DYSF: variants seen among roughly 807,000 people sequenced by gnomAD.
DYSF encodes the protein dysferlin, also known as dystrophy-associated fer-1-like 1.
In DYSF, 212 loss-of-function variants were observed where a neutral mutation model predicts 274.9. The observed-to-expected ratio is 0.77, with a 90% CI of 0.69 to 0.86. The LOEUF is 0.86. Among genes scored for constraint, DYSF ranks in the 40% least tolerant of loss-of-function variants. The pLI, the probability that DYSF is intolerant of heterozygous loss-of-function variation, is 0.00. For missense variants in DYSF, 2,666 were observed against 2,783.2 expected (o/e 0.96, Z 0.95); for synonymous variants, 1,091 against 1,078.7 (o/e 1.01, Z -0.22).
intron 32 of DYSF, among the ~76,000 whole-genome samples, chr2:71,597,035 C>T (rs1337355081): frequency 1.3e-5 from 2 of 152,218 alleles, no homozygotes; most frequent in Non-Finnish European, 2.9e-5. Context: ...CTTTCTCTGC[C>T]ACCTGTGCAG....
chr2:71,572,576 C>T (rs1350118968), intron 29 of DYSF, among the ~76,000 whole-genome samples: 1 of 152,220 alleles, frequency 6.6e-6, no homozygotes, highest in Non-Finnish European at 1.5e-5. Flanking sequence ...AAGGATGCAG[C>T]TTCAGGCAGG....
chr2:71,482,268 G>A (rs2082977462), intron 3 of DYSF, among the ~76,000 whole-genome samples: 1 of 152,184 alleles, frequency 6.6e-6, no homozygotes, highest in African/African-American at 2.4e-5. Context: ...CTCGCTTCCT[G>A]CTGCTCCAGC....
At chr2:71,657,805 T>C (rs2094801525) in intron 43 of DYSF, among the ~76,000 whole-genome samples, 1 of 152,146 alleles carries the variant, frequency 6.6e-6, no homozygotes, top group African/African-American at 2.4e-5. Flanking sequence ...ACAGGGACCC[T>C]GGGCCCGGCC....
intron 22 of DYSF, among the ~76,000 whole-genome samples, chr2:71,557,581 G>C (rs761259530): frequency 6.6e-6 from 1 of 151,994 alleles, no homozygotes; most frequent in Non-Finnish European, 1.5e-5. Flanking sequence ...GGGGAGACTG[G>C]ACATACGGCA....
intron 55 of DYSF, among the ~76,000 whole-genome samples, chr2:71,683,004 G>A (rs1488448943): frequency 1.3e-5 from 2 of 152,190 alleles, no homozygotes; most frequent in African/African-American, 4.8e-5. Context: ...CGGTGGGCAG[G>A]GGGACTTTCT....
At chr2:71,577,468 T>G (rs2152827837) in intron 30 of DYSF, among the ~76,000 whole-genome samples, 1 of 147,482 alleles carries the variant, frequency 6.8e-6, no homozygotes, top group African/African-American at 2.5e-5. Context: ...ACCAACACAC[T>G]CTCTACACAC....
At chr2:71,611,677 T>G in intron 38 of DYSF, 51 bp downstream of exon 38, 1 of 1,597,090 alleles carries the variant, frequency 6.3e-7, no homozygotes, top group Non-Finnish European at 8.5e-7. Context: ...GGCTAGAAGT[T>G]CTACATGTCC....
chr2:71,516,401 T>C (rs2086659151), intron 9 of DYSF, among the ~76,000 whole-genome samples, 159 bp downstream of exon 9: 2 of 152,186 alleles, frequency 1.3e-5, no homozygotes, highest in Admixed American at 1.3e-4. Flanking sequence ...AGTATGTGCG[T>C]GAGAGGGAGA....
intron 48 of DYSF, 54 bp from the exon 49 acceptor site, chr2:71,668,700 G>A (rs2095062262): frequency 6.4e-7 from 1 of 1,566,010 alleles, no homozygotes; most frequent in African/African-American, 1.4e-5. Context: ...CAGGTGCTTG[G>A]TAACAGCTGG....
At chr2:71,478,825 G>GCT (rs148142158) in intron 1 of DYSF, among the ~76,000 whole-genome samples, 1,601 of 151,804 alleles carry the variant, frequency 0.011, 22 homozygotes, top group African/African-American at 0.035. Context: ...CCTCTCACGT[G>GCT]CTCTCTTTCT....
intron 3 of DYSF, among the ~76,000 whole-genome samples, chr2:71,497,870 G>T (rs960255663): frequency 1.3e-5 from 2 of 152,170 alleles, no homozygotes; most frequent in Non-Finnish European, 2.9e-5. Context: ...AGACCTAAGT[G>T]TCTAACTTCT....
chr2:71,504,685 C>T (rs910709236), intron 4 of DYSF, among the ~76,000 whole-genome samples: 1 of 152,230 alleles, frequency 6.6e-6, no homozygotes, highest in African/African-American at 2.4e-5. Flanking sequence ...CTTGCTGGGA[C>T]ACCAGCATCT....
intron 40 of DYSF, among the ~76,000 whole-genome samples, chr2:71,618,620 G>T (rs2094006081): frequency 8.9e-6 from 1 of 112,344 alleles, no homozygotes. Flanking sequence ...TGTGGTAGAG[G>T]TGGTGTGTGT....
At chr2:71,491,585 G>A (rs2083859611) in intron 3 of DYSF, among the ~76,000 whole-genome samples, 4 of 152,114 alleles carry the variant, frequency 2.6e-5, no homozygotes, top group Admixed American at 2.6e-4. Flanking sequence ...CCCTCTGAAA[G>A]GTCCCAGTGT....
chr2:71,475,228 A>G (rs990167135), intron 1 of DYSF, among the ~76,000 whole-genome samples: 2 of 152,138 alleles, frequency 1.3e-5, no homozygotes, highest in African/African-American at 4.8e-5. Flanking sequence ...CAGCCACACC[A>G]TGAATGAAGT....
intron 43 of DYSF, 70 bp from the exon 44 acceptor site, chr2:71,658,808 G>A: frequency 6.3e-7 from 1 of 1,587,590 alleles, no homozygotes; most frequent in Non-Finnish European, 8.6e-7. Flanking sequence ...GTTGAGATTT[G>A]GGTGGGGACA....
intron 42 of DYSF, among the ~76,000 whole-genome samples, 161 bp downstream of exon 42, chr2:71,644,224 A>G (rs1572923745): frequency 6.6e-6 from 1 of 152,102 alleles, no homozygotes. Flanking sequence ...TGAGAAAGCC[A>G]CCCACCGATT....
At chr2:71,677,046 A>G (rs1474079315) in intron 52 of DYSF, among the ~76,000 whole-genome samples, 2 of 152,158 alleles carry the variant, frequency 1.3e-5, no homozygotes, top group African/African-American at 4.8e-5. Flanking sequence ...GGAGAAATAT[A>G]TGGGTGGGTG....
intron 51 of DYSF, among the ~76,000 whole-genome samples, chr2:71,671,423 G>A (rs1416265039): frequency 6.6e-6 from 1 of 152,264 alleles, no homozygotes; most frequent in Non-Finnish European, 1.5e-5. Flanking sequence ...CAGAGGGAGA[G>A]GGGGCCTGGG....
Sources: allele counts gnomAD v4.1 joint callset (sites outside exome capture counted in the v4.1 genomes callset), GRCh38; gene constraint gnomAD v4.1.1; transcripts MANE v1.5; gene names NCBI Gene and HGNC (gene_info 2026-07-23, HGNC 2026-07-21).